Variants in GDA observed in about 807,000 individuals in gnomAD.
The protein encoded by GDA is guanine deaminase.
In GDA, 18 loss-of-function variants were observed where a neutral mutation model predicts 59.6. That is an observed-to-expected ratio of 0.30 (90% confidence interval 0.21 to 0.45). The LOEUF is 0.45. Among genes scored for constraint, GDA ranks in the 20% least tolerant of loss-of-function variants. The pLI, the probability that GDA is intolerant of heterozygous loss-of-function variation, is 1.00. For missense variants in GDA, 427 were observed against 552.3 expected, an observed-to-expected ratio of 0.77 and a Z score of 2.27; for synonymous variants, 201 against 201.1, an observed-to-expected ratio of 1.00 and a Z score of 0.00.
chr9:72,166,714 A>G (rs529374064), intron 1 of GDA, among the ~76,000 whole-genome samples: 4 of 152,292 alleles, frequency 2.6e-5, no homozygotes, highest in East Asian at 1.9e-4. Context: ...GTATCAATTT[A>G]TATTTGTTCA....
intron 2 of GDA, among the ~76,000 whole-genome samples, chr9:72,197,130 G>A (rs1399857927): frequency 2.0e-5 from 3 of 152,180 alleles, no homozygotes; most frequent in African/African-American, 4.8e-5. Context: ...AGACTGTACT[G>A]TAGCTTTGCA....
At chr9:72,131,648 G>GACACACAC (rs146874035) in intron 1 of GDA, among the ~76,000 whole-genome samples, 76 of 151,086 alleles carry the variant, frequency 5.0e-4, no homozygotes, top group Middle Eastern at 6.9e-3. Flanking sequence ...CACGTGCACA[G>GACACACAC]ACACACACAC....
chr9:72,176,035 C>T (rs1830508380), intron 1 of GDA, among the ~76,000 whole-genome samples: 1 of 152,134 alleles, frequency 6.6e-6, no homozygotes. Flanking sequence ...TCTGTGCATC[C>T]AGGAATCTGT....
chr9:72,129,062 A>C (rs902910865), intron 1 of GDA, among the ~76,000 whole-genome samples: 2 of 151,920 alleles, frequency 1.3e-5, no homozygotes, highest in African/African-American at 4.8e-5. Context: ...CCCTGGGTTC[A>C]AGTGATTCTC....
intron 1 of GDA, among the ~76,000 whole-genome samples, chr9:72,176,453 A>C (rs1219064663): frequency 6.6e-6 from 1 of 152,156 alleles, no homozygotes; most frequent in Non-Finnish European, 1.5e-5. Flanking sequence ...AGAGTGTCGA[A>C]GATTTTGTGG....
intron 1 of GDA, among the ~76,000 whole-genome samples, chr9:72,133,247 G>A (rs181181475): frequency 1.3e-4 from 17 of 135,230 alleles, no homozygotes; most frequent in Admixed American, 7.6e-4. Context: ...CCGAGATAGC[G>A]CCACTGCACT....
chr9:72,142,950 G>A (rs1371090465), intron 1 of GDA, among the ~76,000 whole-genome samples: 1 of 150,654 alleles, frequency 6.6e-6, no homozygotes, highest in African/African-American at 2.4e-5. Context: ...TGTATGTTTA[G>A]TAGAGACAGG....
At position 72,249,853 on chromosome 9, in the gene GDA, C is replaced by T. The variant is rs1313526171; in HGVS notation, c.*1511C>T. ...TTACAGAACAAAAAAACACAGTTCC[C>T]CCTCCTGTAGTATAAATTTTATTTT... is the stretch of plus-strand genomic sequence containing the variant. On this transcript the variant is annotated 3_prime_UTR_variant, in exon 14 of 14. Coordinates refer to ENST00000358399, the MANE Select transcript of GDA (RefSeq NM_004293.5). 1 of 967,646 alleles carries T rather than the reference C, an allele frequency of 1.0e-6. No homozygotes were observed. Among genetic ancestry groups the T allele is most frequent in the East Asian group, 1.1e-4 (1 of 8,748 alleles). 59.9% of individuals were successfully genotyped at this position (967,646 alleles called of 1,614,324 possible).
chr9:72,229,679 C>T (rs981079823), intron 9 of GDA, among the ~76,000 whole-genome samples: 1 of 152,152 alleles, frequency 6.6e-6, no homozygotes, highest in Non-Finnish European at 1.5e-5. Flanking sequence ...CAGGCTCTAG[C>T]ACAGGAGAGA....
At position 72,242,627 on chromosome 9, in the gene GDA, A is replaced by G. The variant is rs57573359; in HGVS notation, c.1135+1329A>G. 1.8e-3 allele frequency among the ~76,000 whole-genome samples: 269 copies of G among 152,322 alleles called. 2 individuals are homozygous for G. Among genetic ancestry groups the G allele is most frequent in the African/African-American group, 6.2e-3 (259 of 41,566 alleles). On this transcript the variant is annotated intron_variant, in intron 11 of 13. Transcript: ENST00000358399. Reference sequence around the variant, plus strand: ...TCTCTGAGTGTTGGGGACTATGATGAACACCATAAGCACATTTCAAGAAAA... The same window carrying G: ...TCTCTGAGTGTTGGGGACTATGATGGACACCATAAGCACATTTCAAGAAAA...
intron 1 of GDA, among the ~76,000 whole-genome samples, chr9:72,173,300 C>T (rs1306984204): frequency 6.6e-6 from 1 of 151,946 alleles, no homozygotes; most frequent in East Asian, 1.9e-4. Flanking sequence ...ATCACATTGC[C>T]TTCTTCTGGT....
chr9:72,122,873 C>A (rs1825711692), intron 1 of GDA, among the ~76,000 whole-genome samples: 1 of 152,138 alleles, frequency 6.6e-6, no homozygotes. Context: ...AAGCTCTGCC[C>A]AGCAGGTGGG....
intron 1 of GDA, among the ~76,000 whole-genome samples, chr9:72,120,534 A>G (rs12350375): frequency 0.12 from 17,920 of 152,176 alleles, 2,180 homozygotes; most frequent in African/African-American, 0.31. Flanking sequence ...GGCATTTGTC[A>G]TGTGACAATG....
At chr9:72,183,332 C>T (rs894783027) in intron 1 of GDA, among the ~76,000 whole-genome samples, 1 of 152,136 alleles carries the variant, frequency 6.6e-6, no homozygotes, top group African/African-American at 2.4e-5. Context: ...GCCTCCTTGA[C>T]ACTGCACTTC....
upstream of GDA, among the ~76,000 whole-genome samples, chr9:72,147,772 T>A (rs1237960396): frequency 6.6e-6 from 1 of 152,216 alleles, no homozygotes; most frequent in Non-Finnish European, 1.5e-5. Flanking sequence ...GAGGTTTTTG[T>A]GTATACAAGG....
At chr9:72,135,212 G>A (rs1350094047) in intron 1 of GDA, among the ~76,000 whole-genome samples, 2 of 146,704 alleles carry the variant, frequency 1.4e-5, no homozygotes, top group Non-Finnish European at 3.0e-5. Context: ...GAACATCATG[G>A]CCTACGTACG....
intron 3 of GDA, 97 bp from the exon 4 acceptor site, chr9:72,210,590 A>T: frequency 4.3e-6 from 3 of 702,358 alleles, no homozygotes; most frequent in South Asian, 3.5e-5. Flanking sequence ...AAATAAAAAC[A>T]TTTTAAAATT....
At chr9:72,147,228 A>C (rs965383335), upstream of GDA, among the ~76,000 whole-genome samples, 1 of 152,080 alleles carries the variant, frequency 6.6e-6, no homozygotes, top group Non-Finnish European at 1.5e-5. Flanking sequence ...TGTTTTTTTG[A>C]GACCGAGTCT....
chr9:72,206,437 C>T (rs191491500), intron 3 of GDA, among the ~76,000 whole-genome samples: 1 of 151,880 alleles, frequency 6.6e-6, no homozygotes, highest in Non-Finnish European at 1.5e-5. Flanking sequence ...AAAAAATTAT[C>T]TCAATTTAAT....
Sources: gnomAD v4.1 joint callset for allele counts (sites outside exome capture counted in the v4.1 genomes callset) on GRCh38, gnomAD v4.1.1 for gene constraint, MANE v1.5 for transcripts, NCBI Gene and HGNC (gene_info 2026-07-23, HGNC 2026-07-21) for gene names.